The following FBXO7 variants were observed in gnomAD, a reference collection of about 807,000 sequenced individuals.
FBXO7 encodes the protein F-box protein 7.
FBXO7 carries 31 observed loss-of-function variants against 50.2 expected under a neutral mutation model. That is an observed-to-expected ratio of 0.62 (90% CI 0.46 to 0.83). The LOEUF (loss-of-function observed/expected upper bound fraction) is 0.83. Ranked by LOEUF, FBXO7 falls within the 40% of genes least tolerant of loss-of-function variation. The pLI, the probability that FBXO7 is intolerant of heterozygous loss-of-function variation, is 0.00. For missense variants in FBXO7, 667 were observed against 646.6 expected (o/e 1.03, Z -0.34); for synonymous variants, 256 against 253.1 (o/e 1.01, Z -0.11).
intron 7 of FBXO7, among the ~76,000 whole-genome samples, chr22:32,495,078 G>A (rs187689458): frequency 5.9e-5 from 9 of 152,308 alleles, no homozygotes; most frequent in African/African-American, 1.9e-4. Flanking sequence ...AGTAATGAAC[G>A]TGGGCTGTAA....
At chr22:32,478,936 T>G in intron 1 of FBXO7, 45 bp from the exon 2 acceptor site, 3 of 1,554,472 alleles carry the variant, frequency 1.9e-6, no homozygotes, top group Non-Finnish European at 2.7e-6. Context: ...TTGAAGGTAT[T>G]AGAAGTAGGT....
At chr22:32,486,557 A>G (rs992321643) in intron 4 of FBXO7, among the ~76,000 whole-genome samples, 2 of 152,136 alleles carry the variant, frequency 1.3e-5, no homozygotes, top group African/African-American at 2.4e-5. Context: ...GCTGGTCTCA[A>G]ACTCCTGGGT....
chr22:32,475,077 T>A lies in FBXO7; in HGVS notation c.75T>A (p.His25Gln). 1 of 1,546,348 alleles carries A rather than the reference T, an allele frequency of 6.5e-7. No homozygotes were observed. Among genetic ancestry groups the A allele is most frequent in the Non-Finnish European group, 8.7e-7 (1 of 1,146,040 alleles). Reference sequence around the variant, plus strand: ...CCGAGACGGAGCCGACGCTGGGGCATTTGCGCTCGCACCTGAGGCAGTCCC... The same window carrying A: ...CCGAGACGGAGCCGACGCTGGGGCAATTGCGCTCGCACCTGAGGCAGTCCC... Reference protein sequence around the residue: ...EVPETEPTLGHLRSHLRQSLL... With the variant: ...EVPETEPTLGQLRSHLRQSLL... Residue 25 changes from histidine to glutamine, a missense_variant, in exon 1 of 9, where the codon CAT (histidine) becomes CAA (glutamine). Transcript: ENST00000266087.
At chr22:32,490,488 A>G (rs1397783452) in intron 5 of FBXO7, 2 of 152,792 alleles carry the variant, frequency 1.3e-5, no homozygotes, top group Non-Finnish European at 2.9e-5. Context: ...TGTCGCCCAC[A>G]TGTTGAGTAG....
chr22:32,487,681 A>G (rs1032924641), intron 4 of FBXO7, 64 bp from the exon 5 acceptor site: 8 of 1,054,262 alleles, frequency 7.6e-6, no homozygotes, highest in Non-Finnish European at 1.2e-5. Flanking sequence ...AGCCCATACT[A>G]AAAAAGAAAG....
intron 2 of FBXO7, among the ~76,000 whole-genome samples, chr22:32,483,209 T>C (rs2057476058): frequency 1.3e-5 from 2 of 152,228 alleles, no homozygotes; most frequent in Non-Finnish European, 1.5e-5. Flanking sequence ...CACACTATTA[T>C]TGTTATTAGA....
At chr22:32,491,242 A>C in intron 6 of FBXO7, 61 bp downstream of exon 6, 1 of 1,244,902 alleles carries the variant, frequency 8.0e-7, no homozygotes, top group Non-Finnish European at 1.2e-6. Flanking sequence ...TATACTTAAT[A>C]TTCTTGGTGA....
chr22:32,484,123 A>T lies in FBXO7; in HGVS notation c.644A>T (p.Gln215Leu). The T allele has an allele frequency of 6.2e-7, 1 of 1,612,300 alleles. No homozygotes were observed. Among genetic ancestry groups the T allele is most frequent in the Non-Finnish European group, 8.5e-7 (1 of 1,178,278 alleles). Residue 215 changes from glutamine (Q) to leucine (L), a missense_variant and splice_region_variant, in exon 3 of 9, where the codon CAG becomes CTG. Physicochemically the swap from Gln to Leu is moderately radical, Grantham distance 113. Transcript: ENST00000266087. ...LLMLESGYIP[Q>L]GTEAKALSMP... ...ATGTTGGAGTCAGGTTACATACCTC[A>T]GGTAAGTACTGCAAGCAAAACACAG... is the stretch of plus-strand genomic sequence containing the variant.
In FBXO7 at chr22:32,487,774, AGT is replaced by A. The variant is rs1157030138; in HGVS notation, c.821_822del (p.Val274GlufsTer35). The A allele has an allele frequency of 1.9e-6, 3 of 1,609,598 alleles. No homozygotes were observed. Among genetic ancestry groups the A allele is most frequent in the Non-Finnish European group, 2.5e-6 (3 of 1,176,532 alleles). ...ATLKINNEIR[S>X]VKRLQLLPES... ...ACTAAAAATCAACAATGAGATTAGA[AGT>A]GTGAAAAGATTGCAGCTGCTACCAG... On this transcript the variant is annotated frameshift_variant, in exon 5 of 9. Transcript: ENST00000266087. LOFTEE classifies it high-confidence loss of function.
chr22:32,476,297 T>G (rs1297799738), intron 1 of FBXO7, among the ~76,000 whole-genome samples: 2 of 152,160 alleles, frequency 1.3e-5, no homozygotes, highest in Admixed American at 1.3e-4. Flanking sequence ...GTTAAACCTG[T>G]GTGTTTTACA....
rs563359308 is a variant in FBXO7, at chr22:32,498,375, C to T, written c.1414C>T (p.Pro472Ser). Residue 472 changes from proline (P) to serine (S), a missense_variant, in exon 9 of 9, where the codon CCC becomes TCC. Pro to Ser is a moderately conservative substitution (Grantham distance 74, BLOSUM62 -1). Transcript: ENST00000266087. ...ACTCATTCCTGGTCCTGGGGAGACGCCCAGCCAGTTTCCTCCACTGAGACC... is the reference window on the plus strand; with the variant it reads ...ACTCATTCCTGGTCCTGGGGAGACGTCCAGCCAGTTTCCTCCACTGAGACC... ...SSLIPGPGET[P>S]SQFPPLRPRF... 7.4e-6 allele frequency: 12 copies of T among 1,614,170 alleles called. No individual in the cohort carries two copies. Among genetic ancestry groups the T allele is most frequent in the Middle Eastern group, 1.6e-4 (1 of 6,062 alleles).
intron 6 of FBXO7, chr22:32,492,378 T>C (rs997017447): frequency 7.9e-5 from 12 of 152,274 alleles, no homozygotes; most frequent in Admixed American, 6.5e-4. Flanking sequence ...TTATTTTTGC[T>C]AGTGGAGAAT....
chr22:32,477,432 A>G (rs546410087), intron 1 of FBXO7, among the ~76,000 whole-genome samples: 30 of 152,312 alleles, frequency 2.0e-4, no homozygotes, highest in Admixed American at 3.9e-4. Context: ...GTTCCTCACC[A>G]CTGTGTGATG....
rs1049916705 is a variant in FBXO7, at chr22:32,474,947, CCGCCGTCCCCGT to C, written c.-50_-39del. 32 of 1,490,278 alleles carry C rather than the reference CCGCCGTCCCCGT, an allele frequency of 2.1e-5. No homozygotes were observed. The African/African-American group carries it at 4.5e-4, about 21-fold the overall frequency. The allele number at this position is 1,490,278 out of a possible 1,614,324, so 92.3% of individuals were successfully genotyped here. A position where few individuals can be genotyped will look rare whatever the true frequency, so the allele number is the denominator to read the frequency against. ...TTGGGGCGGGAGCTGCTCGGCCCCG[CCGCCGTCCCCGT>C]CGCCGCTTCCGGGTCCAGGCCCCTC... On this transcript the variant is annotated 5_prime_UTR_variant, in exon 1 of 9. Transcript: ENST00000266087.
Position 32,491,071 on chromosome 22 carries a change from TA to T in FBXO7, c.872-9del. ...TTGATTTTGGGTTTTGATTTTACTT[TA>T]AAAAATATTCTAGGGGAAAATGTAG... On this transcript the variant is annotated splice_polypyrimidine_tract_variant and intron_variant, in intron 5 of 8. Transcript: ENST00000266087. The T allele has an allele frequency of 6.3e-7, 1 of 1,598,990 alleles. No individual in the cohort carries two copies. The highest frequency in any genetic ancestry group is 8.6e-7 in the Non-Finnish European group (1 of 1,166,798).
At chr22:32,492,251 G>C (rs2057542633) in intron 6 of FBXO7, 1 of 152,128 alleles carries the variant, frequency 6.6e-6, no homozygotes, top group Non-Finnish European at 1.5e-5. Context: ...AAACGTTTTT[G>C]GTGTCAAGTT....
Position 32,498,294 on chromosome 22 carries a change from G to A in FBXO7, c.1333G>A (p.Gly445Arg), listed in dbSNP as rs779118679. Residue 445 changes from glycine to arginine, a missense_variant, in exon 9 of 9, where the codon GGG (glycine) becomes AGG (arginine). Coordinates refer to ENST00000266087, the MANE Select transcript of FBXO7 (RefSeq NM_012179.4). Reference protein sequence around the residue: ...PSSRLPPGIIGGEYDQRPTLP... With the variant: ...PSSRLPPGIIRGEYDQRPTLP... ...CTCCCGCCTTCCTCCAGGAATTATC[G>A]GGGGTGAATATGACCAAAGACCAAC... 9 of 1,614,050 alleles carry A rather than the reference G, an allele frequency of 5.6e-6. No homozygotes were observed. The Admixed American group carries it at 6.7e-5, about 12-fold the overall frequency.
Position 32,484,109 on chromosome 22 carries a change from A to G in FBXO7, c.630A>G (p.Ser210=). The G allele has an allele frequency of 6.2e-7, 1 of 1,614,086 alleles. No homozygotes were observed. Among genetic ancestry groups the G allele is most frequent in the South Asian group, 1.1e-5 (1 of 91,084 alleles). Residue 210 remains serine, a synonymous_variant, in exon 3 of 9, where the codon TCA becomes TCG. Coordinates refer to ENST00000266087, the MANE Select transcript of FBXO7 (RefSeq NM_012179.4). ...TGATACATCTTCTCATGTTGGAGTC[A>G]GGTTACATACCTCAGGTAAGTACTG... ...IVLIHLLMLE[S]GYIPQGTEAK...
In FBXO7 at chr22:32,475,455, C is replaced by A. The variant is rs8140067; in HGVS notation, c.122+331C>A. The A allele has an allele frequency of 0.2, 322,749 of 1,595,388 alleles. 33,331 individuals carry two copies. Among genetic ancestry groups the A allele is most frequent in the Middle Eastern group, 0.24 (1,454 of 6,020 alleles). On this transcript the variant is annotated intron_variant, in intron 1 of 8. Coordinates refer to ENST00000266087, the MANE Select transcript of FBXO7 (RefSeq NM_012179.4). ...GGAACCAGGGAGAGGAGGGAACGCACAATTTCCACAACTGGTTAGATTTCA... is the reference window on the plus strand; with the variant it reads ...GGAACCAGGGAGAGGAGGGAACGCAAAATTTCCACAACTGGTTAGATTTCA...
Sources: allele counts gnomAD v4.1 joint callset (sites outside exome capture counted in the v4.1 genomes callset), GRCh38; gene constraint gnomAD v4.1.1; transcripts MANE v1.5; gene names NCBI Gene and HGNC (gene_info 2026-07-23, HGNC 2026-07-21).